Variants in SYNJ2 observed in about 807,000 individuals in gnomAD.
SYNJ2 encodes the protein synaptojanin 2.
In SYNJ2, 116 loss-of-function variants were observed where a neutral mutation model predicts 141.3. The observed-to-expected ratio is 0.82, with a 90% CI of 0.71 to 0.96. The LOEUF is 0.96. SYNJ2 is among the 40% of genes least tolerant of loss of function. SYNJ2 has a pLI of 0.00. For missense variants in SYNJ2, 1,873 were observed against 1,934.8 expected (o/e 0.97, Z 0.60); for synonymous variants, 745 against 777.7 (o/e 0.96, Z 0.70).
chr6:158,077,370 C>T (rs185244286), intron 17 of SYNJ2, among the ~76,000 whole-genome samples: 1 of 152,136 alleles, frequency 6.6e-6, no homozygotes, highest in Non-Finnish European at 1.5e-5. Context: ...AGCTCCCCCC[C>T]ACACCCCCAC....
intron 2 of SYNJ2, among the ~76,000 whole-genome samples, chr6:158,019,894 C>T (rs1363814721): frequency 6.6e-6 from 1 of 152,260 alleles, no homozygotes; most frequent in African/African-American, 2.4e-5. Context: ...CATTGGTTAT[C>T]TTAAGGGGCG....
At chr6:157,998,836 C>G (rs1002725562) in intron 1 of SYNJ2, among the ~76,000 whole-genome samples, 1 of 152,176 alleles carries the variant, frequency 6.6e-6, no homozygotes, top group African/African-American at 2.4e-5. Context: ...AATCTTCACC[C>G]GGTGAACACA....
At chr6:158,087,860 T>C (rs1783159626) in intron 23 of SYNJ2, among the ~76,000 whole-genome samples, 3 of 149,632 alleles carry the variant, frequency 2.0e-5, no homozygotes, top group Admixed American at 2.0e-4. Context: ...TTCATGTATC[T>C]GCAGCAACAT....
chr6:157,992,339 T>C (rs1777471952), intron 1 of SYNJ2, among the ~76,000 whole-genome samples: 1 of 152,086 alleles, frequency 6.6e-6, no homozygotes, highest in African/African-American at 2.4e-5. Flanking sequence ...TCAATTTTGA[T>C]TTTTAGATCC....
intron 5 of SYNJ2, among the ~76,000 whole-genome samples, chr6:158,044,276 A>G (rs945575587): frequency 6.6e-5 from 10 of 152,210 alleles, no homozygotes; most frequent in African/African-American, 2.2e-4. Flanking sequence ...CAGGGTCCCC[A>G]GTCCTGGGTT....
chr6:157,985,863 A>C (rs1035557628), intron 1 of SYNJ2, among the ~76,000 whole-genome samples: 1 of 152,142 alleles, frequency 6.6e-6, no homozygotes, highest in South Asian at 2.1e-4. Context: ...AATTAAGTTA[A>C]TTAATGGGTG....
intron 25 of SYNJ2, among the ~76,000 whole-genome samples, chr6:158,090,810 G>A (rs1783396617): frequency 6.6e-6 from 1 of 151,788 alleles, no homozygotes; most frequent in Non-Finnish European, 1.5e-5. Context: ...CTCCTAAAGT[G>A]CTGGGATTAC....
rs1026927180 is a variant in SYNJ2, at chr6:158,071,734, C to T, written c.2073C>T (p.Ser691=). 1 of 1,613,990 alleles carries T rather than the reference C, an allele frequency of 6.2e-7. No individual in the cohort carries two copies. Among genetic ancestry groups the T allele is most frequent in the Non-Finnish European group, 8.5e-7 (1 of 1,180,026 alleles). ...GTAGTCACCTGACGGCCGGGCAGTC[C>T]CAGGTGAAGGAGCGGAATGAAGACT... The part of the protein sequence containing the change: ...FICSHLTAGQ[S]QVKERNEDYK... The change falls in exon 15 of 27, where the codon TCC becomes TCT. Residue 691 remains serine (S), a synonymous_variant. Coordinates refer to ENST00000355585, the MANE Select transcript of SYNJ2 (RefSeq NM_003898.4). This position sits in a 1 kb window ranked among gnomAD's most constrained non-coding sequence, Gnocchi z 4.3.
intron 18 of SYNJ2, among the ~76,000 whole-genome samples, chr6:158,080,433 C>T (rs1345557319): frequency 2.0e-5 from 3 of 150,594 alleles, no homozygotes; most frequent in African/African-American, 4.9e-5. Context: ...TGAGATCGCG[C>T]CACTGCACTC....
At chr6:158,005,562 C>G (rs963672421) in intron 1 of SYNJ2, among the ~76,000 whole-genome samples, 6 of 144,322 alleles carry the variant, frequency 4.2e-5, no homozygotes, top group Admixed American at 6.9e-5. Flanking sequence ...GCCCTGGTTA[C>G]ATCCTGCACT....
At chr6:158,072,112 T>C (rs528427883) in intron 15 of SYNJ2, among the ~76,000 whole-genome samples, 2 of 152,278 alleles carry the variant, frequency 1.3e-5, no homozygotes, top group Non-Finnish European at 2.9e-5. Context: ...AAGAAAACCA[T>C]GTCCGTGGTC....
intron 12 of SYNJ2, 136 bp downstream of exon 12, chr6:158,066,771 C>A (rs1583450122): frequency 1.0e-6 from 1 of 1,004,248 alleles, no homozygotes; most frequent in Non-Finnish European, 1.5e-6. Context: ...TAAATAGCAC[C>A]ATGGCCTGAC....
At chr6:158,045,875 G>GT (rs1780212318) in intron 5 of SYNJ2, among the ~76,000 whole-genome samples, 1 of 152,174 alleles carries the variant, frequency 6.6e-6, no homozygotes, top group Admixed American at 6.5e-5. Flanking sequence ...TTTGGCAGCT[G>GT]TTTCACCCTC....
At chr6:158,093,455 A>AAC (rs1783602407) in intron 26 of SYNJ2, among the ~76,000 whole-genome samples, 1 of 151,888 alleles carries the variant, frequency 6.6e-6, no homozygotes, top group Non-Finnish European at 1.5e-5. Context: ...AAAAACAAAA[A>AAC]AAAAAAAACA....
Position 158,005,079 on chromosome 6 carries a change from A to AT in SYNJ2, c.128-12107dup, listed in dbSNP as rs11334192. Reference sequence around the variant, plus strand: ...CCTGCAATTCCCAGTCCCAGTGACTATTTTTTTTTTTTTTTTTTGAGACAG... The same window carrying AT: ...CCTGCAATTCCCAGTCCCAGTGACTATTTTTTTTTTTTTTTTTTTGAGACAG... On this transcript the variant is annotated intron_variant, in intron 1 of 26. Coordinates refer to ENST00000355585, the MANE Select transcript of SYNJ2 (RefSeq NM_003898.4). Among the ~76,000 whole-genome samples, 476 of 123,898 alleles carry AT rather than the reference A, an allele frequency of 3.8e-3. 4 individuals are homozygous for AT. The highest frequency in any genetic ancestry group is 0.01 in the East Asian group (42 of 4,192). The allele number at this position is 123,898 out of a possible 152,430, so 81.3% of individuals were successfully genotyped here.
At chr6:158,065,126 A>G (rs1781485934) in intron 11 of SYNJ2, 135 bp downstream of exon 11, 3 of 1,154,620 alleles carry the variant, frequency 2.6e-6, no homozygotes, top group Non-Finnish European at 3.5e-6. Context: ...TGCACCTTGC[A>G]GCTGTCACTG....
In SYNJ2 at chr6:158,068,692, T is replaced by C; in HGVS notation, c.1763T>C (p.Met588Thr). The stretch of plus-strand genomic sequence containing the variant: ...ATATTTGCTGTGGGGTTTGAAGAGA[T>C]GGTGGAATTGAGCGCAGGGAATATT... Reference protein sequence around the residue: ...ADIFAVGFEEMVELSAGNIVN... With the variant: ...ADIFAVGFEETVELSAGNIVN... Residue 588 changes from methionine to threonine, a missense_variant, in exon 13 of 27, where the codon ATG becomes ACG. Coordinates refer to ENST00000355585, the MANE Select transcript of SYNJ2 (RefSeq NM_003898.4). 1 of 1,614,182 alleles carries C rather than the reference T, an allele frequency of 6.2e-7. No individual in the cohort carries two copies. Among genetic ancestry groups the C allele is most frequent in the Non-Finnish European group, 8.5e-7 (1 of 1,180,038 alleles).
chr6:157,994,296 T>C (rs368335523), intron 1 of SYNJ2, among the ~76,000 whole-genome samples: 202 of 152,324 alleles, frequency 1.3e-3, no homozygotes, highest in African/African-American at 4.2e-3. Flanking sequence ...TGAGGTCAGG[T>C]GGAGCCAGCT....
chr6:158,006,333 A>G (rs1191709932), intron 1 of SYNJ2, among the ~76,000 whole-genome samples: 1 of 152,016 alleles, frequency 6.6e-6, no homozygotes, highest in African/African-American at 2.4e-5. Context: ...CTCCCCATTC[A>G]GGTTTTTGCC....
Sources: allele counts gnomAD v4.1 joint callset (sites outside exome capture counted in the v4.1 genomes callset), GRCh38; gene constraint gnomAD v4.1.1; non-coding constraint Gnocchi (gnomAD v3.1); transcripts MANE v1.5; gene names NCBI Gene and HGNC (gene_info 2026-07-23, HGNC 2026-07-21).